Variants in SH3TC1 observed in about 807,000 individuals in gnomAD.
SH3TC1 encodes SH3 domain and tetratricopeptide repeats 1, also known as SH3 domain and tetratricopeptide repeat-containing protein 1.
In SH3TC1, 135 loss-of-function variants were observed where a neutral mutation model predicts 117.3. The ratio of observed to expected loss-of-function variants is 1.15; its 90% CI spans 1.00 to 1.33. SH3TC1 has a LOEUF of 1.33. Ranked by LOEUF, SH3TC1 falls within the 40% of genes most tolerant of loss-of-function variation. The pLI is 0.00. For synonymous variants in SH3TC1, 898 were observed against 816.9 expected, an observed-to-expected ratio of 1.10 and a Z score of -1.69; for missense variants, 2,092 against 1,794.3, an observed-to-expected ratio of 1.17 and a Z score of -3.00.
At chr4:8,203,469 C>A (rs1331270413) in intron 1 of SH3TC1, among the ~76,000 whole-genome samples, 1 of 152,038 alleles carries the variant, frequency 6.6e-6, no homozygotes, top group Non-Finnish European at 1.5e-5. Context: ...GTCTTGACCG[C>A]CTCTGGGTTT....
At chr4:8,200,585 C>G (rs1717767866) in intron 1 of SH3TC1, among the ~76,000 whole-genome samples, 1 of 152,228 alleles carries the variant, frequency 6.6e-6, no homozygotes, top group Admixed American at 6.5e-5. Context: ...CTCACTCTTC[C>G]AGCAACACGG....
At position 8,228,644 on chromosome 4, in the gene SH3TC1, AGT is replaced by A; in HGVS notation, c.2950+2_2950+3del. On this transcript the variant is annotated splice_donor_variant, in intron 12 of 17. Transcript: ENST00000245105. LOFTEE classifies it high-confidence loss of function. ...CGCCGTGGAGATGGGCCACGTGGAGAGTGAGTGCCCCAGTTCCTTCTGTGTGC... is the reference window on the plus strand; with the variant it reads ...CGCCGTGGAGATGGGCCACGTGGAGAGAGTGCCCCAGTTCCTTCTGTGTGC... 6.7e-7 allele frequency: 1 copy of A among 1,490,064 alleles called. No individual in the cohort carries two copies. Among genetic ancestry groups the A allele is most frequent in the Non-Finnish European group, 8.9e-7 (1 of 1,121,458 alleles). The allele number at this position is 1,490,064 out of a possible 1,614,324, so 92.3% of individuals were successfully genotyped here.
Position 8,237,690 on chromosome 4 carries a change from G to A in SH3TC1, c.3753+20G>A, listed in dbSNP as rs1462976588. On this transcript the variant is annotated intron_variant, in intron 17 of 17. Coordinates refer to ENST00000245105, the MANE Select transcript of SH3TC1 (RefSeq NM_018986.5). ...CTGAAGGTGGGTGGGGAGGGGCTGGGCTCAGGGTGTTCCCGGCCCCCTTGG... is the reference window on the plus strand; with the variant it reads ...CTGAAGGTGGGTGGGGAGGGGCTGGACTCAGGGTGTTCCCGGCCCCCTTGG... 6.3e-7 allele frequency: 1 copy of A among 1,576,834 alleles called. No individual in the cohort carries two copies. Among genetic ancestry groups the A allele is most frequent in the Non-Finnish European group, 8.6e-7 (1 of 1,158,342 alleles).
intron 3 of SH3TC1, among the ~76,000 whole-genome samples, chr4:8,211,701 G>A (rs1190037837): frequency 6.6e-6 from 1 of 151,668 alleles, no homozygotes; most frequent in African/African-American, 2.4e-5. Flanking sequence ...TAGTGCATAG[G>A]GCAGATGGGG....
chr4:8,237,744 C>A, intron 17 of SH3TC1, 74 bp downstream of exon 17: 1 of 1,455,300 alleles, frequency 6.9e-7, no homozygotes, highest in East Asian at 2.4e-5. Context: ...ACCCCTGAGG[C>A]ATGTGTTCCA....
intron 3 of SH3TC1, 26 bp from the exon 4 acceptor site, chr4:8,212,675 T>C: frequency 6.2e-7 from 1 of 1,612,662 alleles, no homozygotes; most frequent in Non-Finnish European, 8.5e-7. Flanking sequence ...TCAGACCAAC[T>C]GCCCAACCTC....
chr4:8,210,799 G>A lies in SH3TC1; in HGVS notation c.247+977G>A, dbSNP rs1016925767. ...AGGCCGTCACAGCTCAGGAACCATT[G>A]TGGAATGATGGGCTGGTGCCTCCTG... On this transcript the variant is annotated intron_variant, in intron 3 of 17. Coordinates refer to ENST00000245105, the MANE Select transcript of SH3TC1 (RefSeq NM_018986.5). The surrounding 1 kb of genome is among the most constrained non-coding windows in gnomAD (Gnocchi z 4.1). Among the ~76,000 whole-genome samples, 4 of 146,168 alleles carry A rather than the reference G, an allele frequency of 2.7e-5. No individual in the cohort carries two copies. The highest frequency in any genetic ancestry group is 6.8e-5 in the Admixed American group (1 of 14,610).
rs201427300 is a variant in SH3TC1, at chr4:8,240,884, C to T, written c.3940C>T (p.Arg1314Cys). 62 of 1,613,420 alleles carry T rather than the reference C, an allele frequency of 3.8e-5. 1 individual carries two copies. The Admixed American group carries it at 4.0e-4, about 10-fold the overall frequency. Residue 1314 changes from arginine to cysteine, a missense_variant, in exon 18 of 18, where the codon CGC becomes TGC. Arg to Cys is a radical substitution (Grantham distance 180). Coordinates refer to ENST00000245105, the MANE Select transcript of SH3TC1 (RefSeq NM_018986.5). The part of the protein sequence containing the change: ...ARTFATELNV[R>C]RVNLPPLPLC... ...GACCTTCGCCACAGAGCTCAACGTC[C>T]GCAGGGTCAACCTGCCTCCTCTGCC...
upstream of SH3TC1, among the ~76,000 whole-genome samples, chr4:8,194,391 C>T (rs1277069374): frequency 6.6e-6 from 1 of 151,276 alleles, no homozygotes; most frequent in South Asian, 2.1e-4. Flanking sequence ...CCATGCCTGC[C>T]GCTTCTAGTG....
At position 8,227,069 on chromosome 4, in the gene SH3TC1, T is replaced by A; in HGVS notation, c.1375T>A (p.Cys459Ser). Reference protein sequence around the residue: ...VLEQCKTCPGCPQEPASWGLC... With the variant: ...VLEQCKTCPGSPQEPASWGLC... ...GGAACAATGCAAGACCTGCCCAGGC[T>A]GCCCCCAGGAGCCAGCGTCCTGGGG... is the stretch of plus-strand genomic sequence containing the variant. The change falls in exon 12 of 18, where the codon TGC (cysteine) becomes AGC (serine). Residue 459 changes from cysteine to serine, a missense_variant. Cys to Ser is a moderately radical substitution (Grantham distance 112). Transcript: ENST00000245105. 2 of 1,609,550 alleles carry A rather than the reference T, an allele frequency of 1.2e-6. No homozygotes were observed. Among genetic ancestry groups the A allele is most frequent in the Non-Finnish European group, 1.7e-6 (2 of 1,177,926 alleles).
At chr4:8,231,794 C>T in intron 12 of SH3TC1, 182 bp from the exon 13 acceptor site, 2 of 656,616 alleles carry the variant, frequency 3.0e-6, no homozygotes, top group Non-Finnish European at 5.1e-6. Context: ...GAAGGCCGGC[C>T]TCTACCATGG....
At chr4:8,194,956 T>G (rs1409187560), upstream of SH3TC1, among the ~76,000 whole-genome samples, 3 of 152,108 alleles carry the variant, frequency 2.0e-5, no homozygotes, top group Admixed American at 2.0e-4. Context: ...GAACACAGGT[T>G]TGGTGCTGGA....
intron 17 of SH3TC1, among the ~76,000 whole-genome samples, chr4:8,239,094 C>T (rs927138960): frequency 3.3e-5 from 5 of 152,200 alleles, no homozygotes. Context: ...GCATCTTTGC[C>T]GATTGCCTCT....
chr4:8,202,000 G>A (rs976167434), intron 1 of SH3TC1, among the ~76,000 whole-genome samples: 1 of 152,182 alleles, frequency 6.6e-6, no homozygotes, highest in Non-Finnish European at 1.5e-5. Context: ...TCAGGCGTTC[G>A]GAGCGAAAGA....
intron 13 of SH3TC1, chr4:8,232,446 G>A (rs1721324181): frequency 6.6e-7 from 1 of 1,511,946 alleles, no homozygotes; most frequent in South Asian, 1.1e-5. Flanking sequence ...CATGCATTCT[G>A]GGCTGTTCTT....
chr4:8,217,118 G>T lies in SH3TC1; in HGVS notation c.790G>T (p.Glu264Ter). ...ACCGCCGAGCCCCAGCGTGTCCTCC[G>T]AGGAGGTGGCAGTGGCGGCCGCCCC... ...SSPPSPSVSS[E>*]EVAVAAAPEP... Residue 264 changes from glutamate (E) to a stop codon, truncating the protein, a stop_gained, in exon 7 of 18, where the codon GAG (glutamate) becomes TAG (stop). Transcript: ENST00000245105. LOFTEE classifies it high-confidence loss of function. 6.2e-7 allele frequency: 1 copy of T among 1,613,732 alleles called. No homozygotes were observed.
In SH3TC1 at chr4:8,190,695, C is replaced by A. The variant is rs991441349; in HGVS notation, c.-57+8485C>A. 1.3e-5 allele frequency among the ~76,000 whole-genome samples: 2 copies of A among 152,010 alleles called. No individual in the cohort carries two copies. Among genetic ancestry groups the A allele is most frequent in the Non-Finnish European group, 1.5e-5 (1 of 67,986 alleles). ...TGGCTCTGTCGCCCAGGCTGGAGTGCAGTAGTGTGGTTATCGCTCGCTGCA... is the reference window on the plus strand; with the variant it reads ...TGGCTCTGTCGCCCAGGCTGGAGTGAAGTAGTGTGGTTATCGCTCGCTGCA... On this transcript the variant is annotated intron_variant, in intron 1 of 16. Transcript: ENST00000508641. This position sits in a 1 kb window ranked among gnomAD's most constrained non-coding sequence, Gnocchi z 4.7.
upstream of SH3TC1, among the ~76,000 whole-genome samples, chr4:8,196,525 T>C (rs995554093): frequency 1.3e-5 from 2 of 152,042 alleles, no homozygotes; most frequent in Admixed American, 6.5e-5. The surrounding 1 kb of genome is among the most constrained non-coding windows in gnomAD (Gnocchi z 4.6). Flanking sequence ...GAGAGGTGGG[T>C]GCCCAGAGTT....
In SH3TC1 at chr4:8,205,602, T is replaced by C; in HGVS notation, c.172+236T>C. 1 of 774,810 alleles carries C rather than the reference T, an allele frequency of 1.3e-6. No individual in the cohort carries two copies. Among genetic ancestry groups the C allele is most frequent in the South Asian group, 1.3e-5 (1 of 74,806 alleles). 48.0% of individuals were successfully genotyped at this position (774,810 alleles called of 1,614,324 possible). A position where few individuals can be genotyped will look rare whatever the true frequency, so the allele number is the denominator to read the frequency against. On this transcript the variant is annotated intron_variant, in intron 2 of 17. Coordinates refer to ENST00000245105, the MANE Select transcript of SH3TC1 (RefSeq NM_018986.5). The surrounding 1 kb of genome is among the most constrained non-coding windows in gnomAD (Gnocchi z 5.4). The stretch of plus-strand genomic sequence containing the variant: ...CAGCTCGTGTTTTTCCAGGGACGCG[T>C]CAGTGATAACAAAACTGGCAAAGAA...
Sources: gnomAD v4.1 joint callset for allele counts (sites outside exome capture counted in the v4.1 genomes callset) on GRCh38, gnomAD v4.1.1 for gene constraint, Gnocchi (gnomAD v3.1) non-coding constraint, MANE v1.5 for transcripts, NCBI Gene and HGNC (gene_info 2026-07-23, HGNC 2026-07-21) for gene names.